Variants in CDC25C observed in about 807,000 individuals in gnomAD.
CDC25C encodes the protein M-phase inducer phosphatase 3.
CDC25C carries 48 observed loss-of-function variants against 52.5 expected under a neutral mutation model. The ratio of observed to expected loss-of-function variants is 0.91; its 90% CI spans 0.72 to 1.16. The LOEUF is 1.16. Among genes scored for constraint, CDC25C ranks in the 50% most tolerant of loss-of-function variants. The pLI is 0.00. For synonymous variants in CDC25C, 187 were observed against 206.5 expected (o/e 0.91, Z 0.81); for missense variants, 510 against 566.1 (o/e 0.90, Z 1.01).
At chr5:138,310,304 A>T (rs145742783) in intron 7 of CDC25C, among the ~76,000 whole-genome samples, 3 of 152,298 alleles carry the variant, frequency 2.0e-5, no homozygotes, top group Non-Finnish European at 4.4e-5. Context: ...ATGCATGTCT[A>T]CCTGATAATG....
intron 6 of CDC25C, among the ~76,000 whole-genome samples, chr5:138,321,019 C>T (rs948063997): frequency 3.3e-5 from 5 of 150,442 alleles, no homozygotes; most frequent in South Asian, 4.2e-4. Context: ...AATCAGAGCC[C>T]GGGAGTTTGA....
chr5:138,306,580 A>G (rs1758017206), intron 7 of CDC25C, among the ~76,000 whole-genome samples: 1 of 151,902 alleles, frequency 6.6e-6, no homozygotes, highest in Non-Finnish European at 1.5e-5. Context: ...GGTTCAAGCA[A>G]TTCTCCTGCC....
At chr5:138,332,399 T>C (rs1760466902), upstream of CDC25C, among the ~76,000 whole-genome samples, 1 of 152,178 alleles carries the variant, frequency 6.6e-6, no homozygotes, top group African/African-American at 2.4e-5. Flanking sequence ...GAGCTTTGTT[T>C]GGTGTTTCTT....
intron 6 of CDC25C, among the ~76,000 whole-genome samples, chr5:138,323,800 A>G (rs1759625183): frequency 1.3e-5 from 2 of 151,928 alleles, no homozygotes; most frequent in Admixed American, 1.3e-4. Context: ...TCTACTAAAA[A>G]TACAAAAATT....
Position 138,326,044 on chromosome 5 carries a change from G to C in CDC25C, c.346C>G (p.Gln116Glu), listed in dbSNP as rs375701557. Reference sequence around the variant, plus strand: ...ACTGGGCTACATTTCATTAGGTGCTGGTCATGATTCCTGCAGATTAAAACA... The same window carrying C: ...ACTGGGCTACATTTCATTAGGTGCTCGTCATGATTCCTGCAGATTAAAACA... Reference protein sequence around the residue: ...EVHLAGMNHDQHLMKCSPAQL... With the variant: ...EVHLAGMNHDEHLMKCSPAQL... The change falls in exon 5 of 14, where the codon CAG becomes GAG. Residue 116 changes from glutamine to glutamate, a missense_variant. Gln to Glu is a conservative substitution (Grantham distance 29). Coordinates refer to ENST00000323760, the MANE Select transcript of CDC25C (RefSeq NM_001790.5). The C allele has an allele frequency of 1.5e-5, 24 of 1,614,042 alleles. No individual in the cohort carries two copies. Among genetic ancestry groups the C allele is most frequent in the African/African-American group, 2.7e-5 (2 of 74,922 alleles).
intron 7 of CDC25C, among the ~76,000 whole-genome samples, chr5:138,306,174 C>T (rs895094719): frequency 4.6e-5 from 7 of 152,058 alleles, no homozygotes; most frequent in Non-Finnish European, 1.0e-4. Flanking sequence ...CCAGAAAAAT[C>T]CCTTTTCTGC....
At chr5:138,295,581 C>T (rs1757118102) in intron 7 of CDC25C, among the ~76,000 whole-genome samples, 1 of 151,602 alleles carries the variant, frequency 6.6e-6, no homozygotes, top group Non-Finnish European at 1.5e-5. Context: ...CCACTGCATT[C>T]CAGCCTGGGT....
Position 138,331,165 on chromosome 5 carries a change from A to G in CDC25C, c.16T>C (p.Phe6Leu), listed in dbSNP as rs1232769941. 5.0e-6 allele frequency: 8 copies of G among 1,614,026 alleles called. No individual in the cohort carries two copies. In the Admixed American group the frequency reaches 1.3e-4, roughly 27 times the overall value. MSTEL[F>L]SSTREEGSSG... Reference sequence around the variant, plus strand: ...CTTCCTTCCTCTCTTGTGGATGAGAAGAGTTCCGTAGACATGGTCTTCGAA... The same window carrying G: ...CTTCCTTCCTCTCTTGTGGATGAGAGGAGTTCCGTAGACATGGTCTTCGAA... The change falls in exon 2 of 14, where the codon TTC (phenylalanine) becomes CTC (leucine). Residue 6 changes from phenylalanine to leucine, a missense_variant. Phe to Leu is a conservative substitution (Grantham distance 22). Transcript: ENST00000323760.
In CDC25C at chr5:138,287,217, A is replaced by G; in HGVS notation, c.978T>C (p.Tyr326=). ...GKFQGLIEKF[Y]VIDCRYPYEY... ...CATATGGATAGCGACAATCAATGAC[A>G]TAAAACTTCTCAATCAGACCCTGGA... is the stretch of plus-strand genomic sequence containing the variant. The change falls in exon 11 of 14, where the codon TAT becomes TAC. Residue 326 remains tyrosine (Y), a synonymous_variant. Transcript: ENST00000323760. 1 of 1,614,132 alleles carries G rather than the reference A, an allele frequency of 6.2e-7. No homozygotes were observed. The highest frequency in any genetic ancestry group is 8.5e-7 in the Non-Finnish European group (1 of 1,180,002).
chr5:138,287,078 C>G, intron 11 of CDC25C, 91 bp downstream of exon 11: 1 of 826,820 alleles, frequency 1.2e-6, no homozygotes, highest in South Asian at 1.6e-5. Flanking sequence ...TGTCCTGACT[C>G]TAGAGTTCAT....
intron 7 of CDC25C, among the ~76,000 whole-genome samples, chr5:138,317,682 T>TAAAAA (rs70982706): frequency 2.8e-4 from 15 of 54,152 alleles, no homozygotes; most frequent in Admixed American, 1.1e-3. Context: ...CCTGTCTATC[T>TAAAAA]AAAAAAAAAA....
At chr5:138,325,411 A>T (rs1759771393) in intron 6 of CDC25C, among the ~76,000 whole-genome samples, 1 of 152,198 alleles carries the variant, frequency 6.6e-6, no homozygotes, top group Non-Finnish European at 1.5e-5. Flanking sequence ...AAGCTAGACT[A>T]AGGGGGAAAT....
Position 138,285,659 on chromosome 5 carries a change from G to A in CDC25C, c.*33C>T, listed in dbSNP as rs779480338. The A allele has an allele frequency of 1.5e-5, 24 of 1,607,924 alleles. No individual in the cohort carries two copies. In the East Asian group the frequency reaches 4.9e-4, roughly 33 times the overall value. ...CTCAGGGTTTCTGCAGTGTCTTTTGGTGACTTGTTAGCAGCCAGTGGCTGG... is the reference window on the plus strand; with the variant it reads ...CTCAGGGTTTCTGCAGTGTCTTTTGATGACTTGTTAGCAGCCAGTGGCTGG... On this transcript the variant is annotated 3_prime_UTR_variant, in exon 14 of 14. Coordinates refer to ENST00000323760, the MANE Select transcript of CDC25C (RefSeq NM_001790.5).
chr5:138,330,248 C>T (rs951823561), intron 2 of CDC25C, among the ~76,000 whole-genome samples: 2 of 151,668 alleles, frequency 1.3e-5, no homozygotes, highest in South Asian at 4.1e-4. Flanking sequence ...GGGATCTTGA[C>T]TCCACATTCC....
At chr5:138,337,728 G>C (rs554190550) in intron 1 of CDC25C, 1 of 338,056 alleles carries the variant, frequency 3.0e-6, no homozygotes, top group South Asian at 2.3e-5. Flanking sequence ...CTGGGACTCC[G>C]AGCAGGCCCT....
intron 6 of CDC25C, among the ~76,000 whole-genome samples, chr5:138,321,814 T>C (rs1051963009): frequency 1.8e-5 from 2 of 110,660 alleles, no homozygotes; most frequent in Non-Finnish European, 3.7e-5. Context: ...TAGGATAGAA[T>C]ATGTTAAAAT....
At chr5:138,286,203 G>T (rs1316700983) in intron 12 of CDC25C, 70 bp from the exon 13 acceptor site, 2 of 1,192,498 alleles carry the variant, frequency 1.7e-6, no homozygotes, top group African/African-American at 1.5e-5. Flanking sequence ...CCATTCACTG[G>T]GGAGGGGGGA....
rs374330012 is a variant in CDC25C at position 138,286,491 on chromosome 5, A to C, written c.1160+6T>G. The stretch of plus-strand genomic sequence containing the variant: ...ATCACCCGCCAGACCCCATTTAGAC[A>C]CTCACATTCGGGGGCCCCTCTCTGA... On this transcript the variant is annotated splice_donor_region_variant and intron_variant, in intron 12 of 13. Transcript: ENST00000323760. 6.2e-7 allele frequency: 1 copy of C among 1,608,552 alleles called. No individual in the cohort carries two copies. The highest frequency in any genetic ancestry group is 8.5e-7 in the Non-Finnish European group (1 of 1,177,096).
chr5:138,286,276 G>C, intron 12 of CDC25C, 143 bp from the exon 13 acceptor site: 1 of 792,114 alleles, frequency 1.3e-6, no homozygotes. Flanking sequence ...TGCAAAAAAA[G>C]GTCCAAGTAG....
Sources: gnomAD v4.1 joint callset for allele counts (sites outside exome capture counted in the v4.1 genomes callset) on GRCh38, gnomAD v4.1.1 for gene constraint, MANE v1.5 for transcripts, NCBI Gene and HGNC (gene_info 2026-07-23, HGNC 2026-07-21) for gene names.